The following ZBTB9 variants were observed in gnomAD, a reference collection of about 807,000 sequenced individuals.
ZBTB9 encodes zinc finger and BTB domain-containing protein 9.
A neutral mutation model predicts 26.3 loss-of-function variants in ZBTB9; 17 were observed. The observed-to-expected ratio is 0.65, with a 90% confidence interval of 0.44 to 0.97. ZBTB9 has a LOEUF of 0.97. Among genes scored for constraint, ZBTB9 ranks in the 50% least tolerant of loss-of-function variants. The pLI, the probability that ZBTB9 is intolerant of heterozygous loss-of-function variation, is 0.00. For missense variants in ZBTB9, 510 were observed against 594.2 expected, an observed-to-expected ratio of 0.86 and a Z score of 1.47; for synonymous variants, 226 against 234.3, an observed-to-expected ratio of 0.96 and a Z score of 0.32.
In ZBTB9 at chr6:33,455,237, A is replaced by C; in HGVS notation, c.137A>C (p.Lys46Thr). 6.2e-7 allele frequency: 1 copy of C among 1,614,166 alleles called. No individual in the cohort carries two copies. The stretch of plus-strand genomic sequence containing the variant: ...CTGAACCGCCACAGGCTAGAGGGAA[A>C]GTTCTGTGATGTGTCCCTCCTGGTG... Reference protein sequence around the residue: ...ESLNRHRLEGKFCDVSLLVQG... With the variant: ...ESLNRHRLEGTFCDVSLLVQG... The change falls in exon 2 of 2, where the codon AAG becomes ACG. Residue 46 changes from lysine to threonine, a missense_variant. This residue lies in a region of ZBTB9 where 439 missense variants were observed against 460.4 expected (regional missense o/e 0.95). Coordinates refer to ENST00000395064, the MANE Select transcript of ZBTB9 (RefSeq NM_152735.4).
chr6:33,454,063 C>A (rs1761420304), upstream of ZBTB9: 1 of 152,178 alleles, frequency 6.6e-6, no homozygotes, highest in Non-Finnish European at 1.5e-5. Context: ...CAGGAAAGAA[C>A]CTGCCTGGTT....
intron 1 of ZBTB9, 46 bp downstream of exon 1, chr6:33,454,821 A>C (rs1174672801): frequency 2.1e-6 from 1 of 484,478 alleles, no homozygotes; most frequent in Non-Finnish European, 3.6e-6. Context: ...TATCTTCCAC[A>C]GGGGCTGGAA....
In ZBTB9 at chr6:33,456,502, G is replaced by A; in HGVS notation, c.1402G>A (p.Ala468Thr). ...ATGCAAGGGCCAGGGCTGGGCCACT[G>A]CCCACTGGACTTACAAGTGACTGCT... ...DLCKGQGWATAHWTYK is the reference protein window; with the variant it reads ...DLCKGQGWATTHWTYK The change falls in exon 2 of 2, where the codon GCC becomes ACC. Residue 468 changes from alanine (A) to threonine (T), a missense_variant. Around this residue, in one of 2 missense-constraint regions of ZBTB9, gnomAD observed 71 missense variants for 133.8 expected, o/e 0.53. Transcript: ENST00000395064. This position sits in a 1 kb window ranked among gnomAD's most constrained non-coding sequence, Gnocchi z 5.1. 6.2e-7 allele frequency: 1 copy of A among 1,610,944 alleles called. No homozygotes were observed. Among genetic ancestry groups the A allele is most frequent in the Non-Finnish European group, 8.5e-7 (1 of 1,178,502 alleles).
rs2151219943 is a variant in ZBTB9 at position 33,455,801 on chromosome 6, C to T, written c.701C>T (p.Thr234Ile). The T allele has an allele frequency of 6.2e-7, 1 of 1,611,144 alleles. No individual in the cohort carries two copies. Residue 234 changes from threonine to isoleucine, a missense_variant, in exon 2 of 2, where the codon ACT becomes ATT. Transcript: ENST00000395064. ...CAGGGGTCAGCCACACTCTCTCAGA[C>T]TCCTCAGCCCCAGAGAGTATCAGGG... ...EDQGSATLSQ[T>I]PQPQRVSGVF...
chr6:33,455,692 G>C lies in ZBTB9; in HGVS notation c.592G>C (p.Gly198Arg). The C allele has an allele frequency of 6.2e-7, 1 of 1,614,212 alleles. No homozygotes were observed. The highest frequency in any genetic ancestry group is 8.5e-7 in the Non-Finnish European group (1 of 1,180,030). Reference protein sequence around the residue: ...SPASTESPVGGEGSELGEVLQ... With the variant: ...SPASTESPVGREGSELGEVLQ... ...TGCTTCCACTGAGAGCCCTGTGGGA[G>C]GGGAGGGAAGTGAACTGGGAGAAGT... The change falls in exon 2 of 2, where the codon GGG becomes CGG. Residue 198 changes from glycine (G) to arginine (R), a missense_variant. Around this residue, in one of 2 missense-constraint regions of ZBTB9, gnomAD observed 439 missense variants for 460.4 expected, o/e 0.95. Coordinates refer to ENST00000395064, the MANE Select transcript of ZBTB9 (RefSeq NM_152735.4).
chr6:33,454,564 C>G (rs79215636), upstream of ZBTB9: 104 of 159,558 alleles, frequency 6.5e-4, 1 homozygote, highest in East Asian at 0.015. Context: ...CGGTGTCCGG[C>G]GGGGAGGCGG....
chr6:33,454,952 C>T (rs1204467974), intron 1 of ZBTB9, 78 bp from the exon 2 acceptor site: 3 of 1,279,484 alleles, frequency 2.3e-6, no homozygotes, highest in African/African-American at 1.5e-5. Flanking sequence ...AGTTATTGCT[C>T]GTGGGGAGGG....
rs775108982 is a variant in ZBTB9 at position 33,456,017 on chromosome 6, C to G, written c.917C>G (p.Ala306Gly). Residue 306 changes from alanine (A) to glycine (G), a missense_variant, in exon 2 of 2, where the codon GCA (alanine) becomes GGA (glycine). Around this residue, in one of 2 missense-constraint regions of ZBTB9, gnomAD observed 439 missense variants for 460.4 expected, o/e 0.95. Coordinates refer to ENST00000395064, the MANE Select transcript of ZBTB9 (RefSeq NM_152735.4). This position sits in a 1 kb window ranked among gnomAD's most constrained non-coding sequence, Gnocchi z 5.1. Reference sequence around the variant, plus strand: ...GGAAGCGGAACTCAGCCTGGAGGAGCAAAGGAGGAAACCAAAGTGTTTTCT... The same window carrying G: ...GGAAGCGGAACTCAGCCTGGAGGAGGAAAGGAGGAAACCAAAGTGTTTTCT... Reference protein sequence around the residue: ...ISGSGTQPGGAKEETKVFSGG... With the variant: ...ISGSGTQPGGGKEETKVFSGG... The G allele has an allele frequency of 1.5e-5, 25 of 1,614,004 alleles. No homozygotes were observed. Among genetic ancestry groups the G allele is most frequent in the Non-Finnish European group, 2.1e-5 (25 of 1,180,012 alleles).
At position 33,456,060 on chromosome 6, in the gene ZBTB9, G is replaced by A. The variant is rs1761481927; in HGVS notation, c.960G>A (p.Gly320=). 13 of 1,614,002 alleles carry A rather than the reference G, an allele frequency of 8.1e-6. No individual in the cohort carries two copies. The highest frequency in any genetic ancestry group is 1.1e-5 in the Non-Finnish European group (13 of 1,180,042). ...TGTTTTCTGGAGGGGACACTGAAGGGAATGGGGAGCTAGGGTTCTTGTTGC... is the reference window on the plus strand; with the variant it reads ...TGTTTTCTGGAGGGGACACTGAAGGAAATGGGGAGCTAGGGTTCTTGTTGC... The part of the protein sequence containing the change: ...TKVFSGGDTE[G]NGELGFLLPS... The change falls in exon 2 of 2, where the codon GGG becomes GGA. Residue 320 remains glycine, a synonymous_variant. Coordinates refer to ENST00000395064, the MANE Select transcript of ZBTB9 (RefSeq NM_152735.4). The surrounding 1 kb of genome is among the most constrained non-coding windows in gnomAD (Gnocchi z 5.1).
upstream of ZBTB9, chr6:33,454,034 A>T (rs1007813034): frequency 1.3e-5 from 2 of 152,208 alleles, no homozygotes; most frequent in African/African-American, 4.8e-5. Flanking sequence ...TGCTGGTTAA[A>T]ATGCTCCCGT....
chr6:33,453,689 A>G (rs1382993163), upstream of ZBTB9: 2 of 151,090 alleles, frequency 1.3e-5, no homozygotes, highest in Non-Finnish European at 2.9e-5. Flanking sequence ...TTGTTCTTTT[A>G]TCGCTGTGCC....
chr6:33,454,052 A>G (rs6940367), upstream of ZBTB9: 92 of 152,310 alleles, frequency 6.0e-4, no homozygotes, highest in African/African-American at 2.2e-3. Flanking sequence ...CGTGCAGAAA[A>G]CAGGAAAGAA....
In ZBTB9 at chr6:33,456,516, C is replaced by T. The variant is rs559969711; in HGVS notation, c.1416C>T (p.Tyr472=). The T allele has an allele frequency of 1.2e-6, 2 of 1,604,994 alleles. No homozygotes were observed. Among genetic ancestry groups the T allele is most frequent in the East Asian group, 2.2e-5 (1 of 44,848 alleles). ...GCTGGGCCACTGCCCACTGGACTTA[C>T]AAGTGACTGCTGAGGCTATACACTA... ...GQGWATAHWT[Y]K Residue 472 remains tyrosine (Y), a synonymous_variant, in exon 2 of 2, where the codon TAC becomes TAT. Coordinates refer to ENST00000395064, the MANE Select transcript of ZBTB9 (RefSeq NM_152735.4). This position sits in a 1 kb window ranked among gnomAD's most constrained non-coding sequence, Gnocchi z 5.1.
chr6:33,456,237 A>G lies in ZBTB9; in HGVS notation c.1137A>G (p.Ala379=), dbSNP rs1761485690. ...GPVKLGGTPP[A]DGKRFGCLCG... is the part of the protein sequence containing the mutation. ...TGAAGCTAGGGGGGACACCCCCTGCAGATGGAAAACGCTTTGGTTGCCTGT... is the reference window on the plus strand; with the variant it reads ...TGAAGCTAGGGGGGACACCCCCTGCGGATGGAAAACGCTTTGGTTGCCTGT... The change falls in exon 2 of 2, where the codon GCA becomes GCG. Residue 379 remains alanine (A), a synonymous_variant. Coordinates refer to ENST00000395064, the MANE Select transcript of ZBTB9 (RefSeq NM_152735.4). This position sits in a 1 kb window ranked among gnomAD's most constrained non-coding sequence, Gnocchi z 5.1. 6.2e-7 allele frequency: 1 copy of G among 1,613,006 alleles called. No individual in the cohort carries two copies. The highest frequency in any genetic ancestry group is 1.3e-5 in the African/African-American group (1 of 74,952).
In ZBTB9 at chr6:33,455,287, A is replaced by G. The variant is rs1306353643; in HGVS notation, c.187A>G (p.Lys63Glu). Reference sequence around the variant, plus strand: ...GCAGGGCCGGGAACTTAGGGCTCATAAAGCAGTGTTAGCTGCTGCCTCTCC... The same window carrying G: ...GCAGGGCCGGGAACTTAGGGCTCATGAAGCAGTGTTAGCTGCTGCCTCTCC... ...LVQGRELRAH[K>E]AVLAAASPYF... Residue 63 changes from lysine (K) to glutamate (E), a missense_variant, in exon 2 of 2, where the codon AAA (lysine) becomes GAA (glutamate). Physicochemically the swap from Lys to Glu is moderately conservative, Grantham distance 56 (BLOSUM62 1). This residue lies in a region of ZBTB9 where 439 missense variants were observed against 460.4 expected (regional missense o/e 0.95). Coordinates refer to ENST00000395064, the MANE Select transcript of ZBTB9 (RefSeq NM_152735.4). The G allele has an allele frequency of 1.2e-6, 2 of 1,614,178 alleles. No individual in the cohort carries two copies. The highest frequency in any genetic ancestry group is 1.7e-6 in the Non-Finnish European group (2 of 1,180,026).
Sources: allele counts gnomAD v4.1 joint callset, GRCh38; gene constraint gnomAD v4.1.1; regional missense constraint gnomAD v4.1.1; non-coding constraint Gnocchi (gnomAD v3.1); transcripts MANE v1.5; gene names NCBI Gene and HGNC (gene_info 2026-07-23, HGNC 2026-07-21).